ARRDC4: variants seen among roughly 807,000 people sequenced by gnomAD.
ARRDC4 encodes arrestin domain-containing protein 4.
ARRDC4 carries 40 observed loss-of-function variants against 44.6 expected under a neutral mutation model. The observed-to-expected ratio is 0.90, with a 90% CI of 0.70 to 1.17. The LOEUF (loss-of-function observed/expected upper bound fraction) is 1.17, where lower values mean the gene tolerates loss of function less well. Among genes scored for constraint, ARRDC4 ranks in the 50% most tolerant of loss-of-function variants. The pLI is 0.00. For missense variants in ARRDC4, 550 were observed against 559.1 expected, an observed-to-expected ratio of 0.98 and a Z score of 0.16; for synonymous variants, 211 against 221.2, an observed-to-expected ratio of 0.95 and a Z score of 0.41.
In ARRDC4 at chr15:97,971,457, C is replaced by G. The variant is rs1047251521; in HGVS notation, c.*270C>G. On this transcript the variant is annotated 3_prime_UTR_variant, in exon 8 of 8. Coordinates refer to ENST00000268042, the MANE Select transcript of ARRDC4 (RefSeq NM_183376.3). ...AATGTAATGGAAGTCCTGATGGTTA[C>G]AGAGTAAGTGAAAGGGTGCCTGCGC... 92 of 437,530 alleles carry G rather than the reference C, an allele frequency of 2.1e-4. No individual in the cohort carries two copies. The highest frequency in any genetic ancestry group is 1.7e-3 in the African/African-American group (85 of 49,776). 27.1% of individuals were successfully genotyped at this position (437,530 alleles called of 1,614,324 possible). A position where few individuals can be genotyped will look rare whatever the true frequency, so the allele number is the denominator to read the frequency against.
In ARRDC4 at chr15:97,967,913, A is replaced by G. The variant is rs995467580; in HGVS notation, c.523-101A>G. The G allele has an allele frequency of 1.5e-6, 1 of 680,438 alleles. No homozygotes were observed. The highest frequency in any genetic ancestry group is 2.3e-6 in the Non-Finnish European group (1 of 432,314). 42.2% of individuals were successfully genotyped at this position (680,438 alleles called of 1,614,324 possible). On this transcript the variant is annotated intron_variant, in intron 3 of 7. Coordinates refer to ENST00000268042, the MANE Select transcript of ARRDC4 (RefSeq NM_183376.3). The surrounding 1 kb of genome is among the most constrained non-coding windows in gnomAD (Gnocchi z 5.0). ...AGAAAGTTTGATTCATTTTTTTGGT[A>G]TTTCCTTACAACCATTCTGTGAAGA...
chr15:97,969,856 C>CTT lies in ARRDC4; in HGVS notation c.883-12_883-11dup, dbSNP rs201375946. On this transcript the variant is annotated intron_variant, in intron 5 of 7. Transcript: ENST00000268042. ...GTGTAGCTTACATTTGTTCCTTTCT[C>CTT]TTTTTTTTTTTTTTTTGGCTTATTA... 1.8e-3 allele frequency: 2,487 copies of CTT among 1,349,848 alleles called. 1 individual carries two copies. The highest frequency in any genetic ancestry group is 0.01 in the East Asian group (405 of 40,222). 83.6% of individuals were successfully genotyped at this position (1,349,848 alleles called of 1,614,324 possible).
In ARRDC4 at chr15:97,961,163, CG is replaced by C; in HGVS notation, c.304del (p.Ala102ProfsTer55). 1 of 1,433,534 alleles carries C rather than the reference CG, an allele frequency of 7.0e-7. No homozygotes were observed. Among genetic ancestry groups the C allele is most frequent in the Admixed American group, 3.1e-5 (1 of 31,896 alleles). 88.8% of individuals were successfully genotyped at this position (1,433,534 alleles called of 1,614,324 possible). ...GTGCGCCTCAGCCTGCGGGAGCCCC[CG>C]GCCGGTAAGCGCAGGCGAGCGCCTG... ...LNVRLSLREP[P>X]AGEGIILLQP... On this transcript the variant is annotated frameshift_variant, in exon 1 of 8. Coordinates refer to ENST00000268042, the MANE Select transcript of ARRDC4 (RefSeq NM_183376.3). LOFTEE classifies it high-confidence loss of function.
At chr15:97,962,486 T>C (rs1480406182) in intron 1 of ARRDC4, among the ~76,000 whole-genome samples, 1 of 152,218 alleles carries the variant, frequency 6.6e-6, no homozygotes, top group Admixed American at 6.5e-5. Context: ...CTTTGGACTG[T>C]ATCTCTGGGC....
At position 97,961,052 on chromosome 15, in the gene ARRDC4, C is replaced by T; in HGVS notation, c.191C>T (p.Thr64Ile). 5 of 1,428,424 alleles carry T rather than the reference C, an allele frequency of 3.5e-6. No homozygotes were observed. The highest frequency in any genetic ancestry group is 4.6e-6 in the Non-Finnish European group (5 of 1,095,962). The allele number at this position is 1,428,424 out of a possible 1,614,324, so 88.5% of individuals were successfully genotyped here. The change falls in exon 1 of 8, where the codon ACC becomes ATC. Residue 64 changes from threonine to isoleucine, a missense_variant. By Grantham distance (89) the Thr-to-Ile change is moderately conservative. Transcript: ENST00000268042. ...CGCCTGGAGGCCCAGGGGCGCGCCA[C>T]CGCCGCCTGGGGCCCGAGCACCTGC... ...ALRLEAQGRA[T>I]AAWGPSTCPR... is the part of the protein sequence containing the mutation.
Position 97,969,282 on chromosome 15 carries a change from G to A in ARRDC4, c.785G>A (p.Gly262Glu), listed in dbSNP as rs754760223. 1 of 1,613,888 alleles carries A rather than the reference G, an allele frequency of 6.2e-7. No individual in the cohort carries two copies. The highest frequency in any genetic ancestry group is 8.5e-7 in the Non-Finnish European group (1 of 1,179,880). The change falls in exon 5 of 8, where the codon GGG (glycine) becomes GAG (glutamate). Residue 262 changes from glycine to glutamate, a missense_variant. Gly to Glu is a moderately conservative substitution (Grantham distance 98). Transcript: ENST00000268042. Reference sequence around the variant, plus strand: ...GTGCGAGGAAACCACATCGCTTCTGGGAGCACAGACACATGGAATGGGAAA... The same window carrying A: ...GTGCGAGGAAACCACATCGCTTCTGAGAGCACAGACACATGGAATGGGAAA... ...ANVRGNHIAS[G>E]STDTWNGKTL...
intron 5 of ARRDC4, among the ~76,000 whole-genome samples, chr15:97,969,638 A>G (rs1899474231): frequency 6.6e-6 from 1 of 152,156 alleles, no homozygotes; most frequent in African/African-American, 2.4e-5. Flanking sequence ...TTCTATAATT[A>G]TTATATAAGC....
Position 97,965,796 on chromosome 15 carries a change from C to G in ARRDC4, c.375-99C>G. 6.6e-7 allele frequency: 1 copy of G among 1,525,798 alleles called. No homozygotes were observed. Among genetic ancestry groups the G allele is most frequent in the Non-Finnish European group, 9.0e-7 (1 of 1,112,212 alleles). 94.5% of individuals were successfully genotyped at this position (1,525,798 alleles called of 1,614,324 possible). ...TGAATAGTCCCTAAATAGACTTACT[C>G]TTTTTTTATTTCCAACCTAAAACAT... On this transcript the variant is annotated intron_variant, in intron 2 of 7. Coordinates refer to ENST00000268042, the MANE Select transcript of ARRDC4 (RefSeq NM_183376.3). The surrounding 1 kb of genome is among the most constrained non-coding windows in gnomAD (Gnocchi z 5.1).
At position 97,971,245 on chromosome 15, in the gene ARRDC4, C is replaced by A. The variant is rs930118866; in HGVS notation, c.*58C>A. The A allele has an allele frequency of 6.5e-7, 1 of 1,536,174 alleles. No homozygotes were observed. The highest frequency in any genetic ancestry group is 9.0e-7 in the Non-Finnish European group (1 of 1,110,812). ...AATTAGAATGTTGGTTCTTTTCCTT[C>A]TGCCTTTTTGGGAAAGAGACAGGAA... On this transcript the variant is annotated 3_prime_UTR_variant, in exon 8 of 8. Transcript: ENST00000268042.
In ARRDC4 at chr15:97,966,047, G is replaced by T; in HGVS notation, c.522+5G>T. The T allele has an allele frequency of 6.2e-7, 1 of 1,613,936 alleles. No individual in the cohort carries two copies. The highest frequency in any genetic ancestry group is 8.5e-7 in the Non-Finnish European group (1 of 1,179,946). On this transcript the variant is annotated splice_donor_5th_base_variant and intron_variant, in intron 3 of 7. Transcript: ENST00000268042. The surrounding 1 kb of genome is among the most constrained non-coding windows in gnomAD (Gnocchi z 4.7). ...GTCAACACACCAGCATTATTAGTAA[G>T]TTCTTCCTTTTTCTCTTCCTCCTCC...
chr15:97,968,133 A>G lies in ARRDC4; in HGVS notation c.625+17A>G. The G allele has an allele frequency of 6.8e-7, 1 of 1,467,352 alleles. No individual in the cohort carries two copies. Among genetic ancestry groups the G allele is most frequent in the Non-Finnish European group, 9.2e-7 (1 of 1,083,112 alleles). The allele number at this position is 1,467,352 out of a possible 1,614,324, so 90.9% of individuals were successfully genotyped here. On this transcript the variant is annotated intron_variant, in intron 4 of 7. Coordinates refer to ENST00000268042, the MANE Select transcript of ARRDC4 (RefSeq NM_183376.3). This position sits in a 1 kb window ranked among gnomAD's most constrained non-coding sequence, Gnocchi z 5.4. ...ACTGTAATGGTAAGCAAAATGCTTG[A>G]AAGTCCAAATGAAAGATTTCATTCA...
Position 97,969,394 on chromosome 15 carries a change from T to G in ARRDC4, c.882+15T>G, listed in dbSNP as rs775193944. The stretch of plus-strand genomic sequence containing the variant: ...ATTCCTTAGCTGTAAGCAAAGCTCT[T>G]TTTTAAAAAAAAATGTGTATGATGG... On this transcript the variant is annotated intron_variant, in intron 5 of 7. Coordinates refer to ENST00000268042, the MANE Select transcript of ARRDC4 (RefSeq NM_183376.3). The G allele has an allele frequency of 1.4e-6, 2 of 1,476,792 alleles. No individual in the cohort carries two copies. The highest frequency in any genetic ancestry group is 4.9e-5 in the East Asian group (2 of 40,714). The allele number at this position is 1,476,792 out of a possible 1,614,324, so 91.5% of individuals were successfully genotyped here. A position where few individuals can be genotyped will look rare whatever the true frequency, so the allele number is the denominator to read the frequency against.
At chr15:97,961,374 G>C (rs1899316159) in intron 1 of ARRDC4, among the ~76,000 whole-genome samples, 1 of 152,220 alleles carries the variant, frequency 6.6e-6, no homozygotes, top group Non-Finnish European at 1.5e-5. Context: ...CTGGCCCGCC[G>C]GGCCTGACCG....
Position 97,972,379 on chromosome 15 carries a change from C to G in ARRDC4, c.*1192C>G, listed in dbSNP as rs925155603. The G allele has an allele frequency of 3.3e-5, 5 of 152,558 alleles. No individual in the cohort carries two copies. The highest frequency in any genetic ancestry group is 1.2e-4 in the African/African-American group (5 of 41,422). 9.5% of individuals were successfully genotyped at this position (152,558 alleles called of 1,614,324 possible). A position where few individuals can be genotyped will look rare whatever the true frequency, so the allele number is the denominator to read the frequency against. ...TGCATTGTACATTATTCCAGTTCTTCAGTAATTCTGTTTAAACTGTGATTT... is the reference window on the plus strand; with the variant it reads ...TGCATTGTACATTATTCCAGTTCTTGAGTAATTCTGTTTAAACTGTGATTT... On this transcript the variant is annotated 3_prime_UTR_variant, in exon 8 of 8. Transcript: ENST00000268042. The surrounding 1 kb of genome is among the most constrained non-coding windows in gnomAD (Gnocchi z 5.3).
rs1356824265 is a variant in ARRDC4 at position 97,968,948 on chromosome 15, C to T, written c.626-175C>T. ...GCAATAATTAGAAAATAAGATCTACCACAACCTGCAGTGAATTTTTATTTC... is the reference window on the plus strand; with the variant it reads ...GCAATAATTAGAAAATAAGATCTACTACAACCTGCAGTGAATTTTTATTTC... On this transcript the variant is annotated intron_variant, in intron 4 of 7. Transcript: ENST00000268042. This position sits in a 1 kb window ranked among gnomAD's most constrained non-coding sequence, Gnocchi z 5.4. Among the ~76,000 whole-genome samples, 1 of 152,118 alleles carries T rather than the reference C, an allele frequency of 6.6e-6. No individual in the cohort carries two copies. Among genetic ancestry groups the T allele is most frequent in the African/African-American group, 2.4e-5 (1 of 41,418 alleles).
Position 97,961,300 on chromosome 15 carries a change from C to T in ARRDC4, c.307+132C>T, listed in dbSNP as rs113228157. On this transcript the variant is annotated intron_variant, in intron 1 of 7. Coordinates refer to ENST00000268042, the MANE Select transcript of ARRDC4 (RefSeq NM_183376.3). ...CGGGCTTCCGGGGGTGGGGTCCGGC[C>T]TACCCTCGCGGGTAAGGAGAGACCG... The T allele has an allele frequency of 6.5e-3, 5,697 of 876,222 alleles. 42 individuals carry two copies. The highest frequency in any genetic ancestry group is 0.028 in the Middle Eastern group (71 of 2,548). 54.3% of individuals were successfully genotyped at this position (876,222 alleles called of 1,614,324 possible). A position where few individuals can be genotyped will look rare whatever the true frequency, so the allele number is the denominator to read the frequency against.
intron 1 of ARRDC4, among the ~76,000 whole-genome samples, chr15:97,963,062 T>G (rs77248338): frequency 0.034 from 5,195 of 152,344 alleles, 153 homozygotes; most frequent in African/African-American, 0.077. Context: ...TCTCAGTTCT[T>G]GGTCACCCAC....
rs1899554055 is a variant in ARRDC4, at chr15:97,973,776, C to A, written c.*2589C>A. 1 of 151,960 alleles carries A rather than the reference C, an allele frequency of 6.6e-6. No individual in the cohort carries two copies. The highest frequency in any genetic ancestry group is 1.9e-4 in the East Asian group (1 of 5,180). 9.4% of individuals were successfully genotyped at this position (151,960 alleles called of 1,614,324 possible). On this transcript the variant is annotated 3_prime_UTR_variant, in exon 8 of 8. Transcript: ENST00000268042. ...ATTTAACCCACAGGAAAAAAAATTA[C>A]TTTGTATGCTTGTTTGAACCCTATG...
chr15:97,960,898 G>A lies in ARRDC4; in HGVS notation c.37G>A (p.Ala13Thr). Residue 13 changes from alanine to threonine, a missense_variant, in exon 1 of 8, where the codon GCC (alanine) becomes ACC (threonine). Coordinates refer to ENST00000268042, the MANE Select transcript of ARRDC4 (RefSeq NM_183376.3). ...GEAGCAAAVG[A>T]EGRVKSLGLV... ...GGCTGGGTGCGCGGCGGCCGTGGGTGCCGAGGGCCGCGTGAAGAGCCTGGG... is the reference window on the plus strand; with the variant it reads ...GGCTGGGTGCGCGGCGGCCGTGGGTACCGAGGGCCGCGTGAAGAGCCTGGG... The A allele has an allele frequency of 1.4e-6, 2 of 1,427,234 alleles. No homozygotes were observed. Among genetic ancestry groups the A allele is most frequent in the Non-Finnish European group, 9.2e-7 (1 of 1,083,698 alleles). The allele number at this position is 1,427,234 out of a possible 1,614,324, so 88.4% of individuals were successfully genotyped here.
Sources: allele counts gnomAD v4.1 joint callset (sites outside exome capture counted in the v4.1 genomes callset), GRCh38; gene constraint gnomAD v4.1.1; non-coding constraint Gnocchi (gnomAD v3.1); transcripts MANE v1.5; gene names NCBI Gene and HGNC (gene_info 2026-07-23, HGNC 2026-07-21).